The following RIPOR2 variants were observed in gnomAD, a reference collection of about 807,000 sequenced individuals.
The protein encoded by RIPOR2 is RHO family interacting cell polarization regulator 2.
RIPOR2 carries 39 observed loss-of-function variants against 114.5 expected under a neutral mutation model. The observed-to-expected ratio is 0.34, with a 90% confidence interval of 0.26 to 0.44. The LOEUF (loss-of-function observed/expected upper bound fraction) is 0.44, where lower values mean the gene tolerates loss of function less well. RIPOR2 is among the 20% of genes least tolerant of loss of function. RIPOR2 has a pLI of 1.00. For synonymous variants in RIPOR2, 445 were observed against 484.4 expected (o/e 0.92, Z 1.07); for missense variants, 1,007 against 1,255.1 (o/e 0.80, Z 2.99).
chr6:24,881,593 T>A (rs1231633217), intron 1 of RIPOR2, among the ~76,000 whole-genome samples: 1 of 152,248 alleles, frequency 6.6e-6, no homozygotes, highest in Non-Finnish European at 1.5e-5. Context: ...AGTTTCTTCA[T>A]ACAATGAAAA....
chr6:24,922,023 G>C (rs1271943299), intron 1 of RIPOR2, among the ~76,000 whole-genome samples: 2 of 151,790 alleles, frequency 1.3e-5, no homozygotes, highest in Non-Finnish European at 2.9e-5. Context: ...TAGAGATGGA[G>C]TTTCACCATG....
At chr6:24,842,702 A>G (rs1461283807) in intron 13 of RIPOR2, among the ~76,000 whole-genome samples, 160 bp downstream of exon 13, 1 of 152,160 alleles carries the variant, frequency 6.6e-6, no homozygotes, top group Non-Finnish European at 1.5e-5. Flanking sequence ...AAAACTTAAT[A>G]TGCACTACTG....
intron 1 of RIPOR2, among the ~76,000 whole-genome samples, chr6:24,899,878 G>T (rs777842762): frequency 6.6e-5 from 10 of 152,212 alleles, no homozygotes; most frequent in Non-Finnish European, 1.3e-4. Flanking sequence ...TTATCAGCAT[G>T]CATTGCTTAC....
Position 25,037,308 on chromosome 6 carries a change from C to T in RIPOR2, c.76+4543G>A, listed in dbSNP as rs6904367. On this transcript the variant is annotated intron_variant, in intron 1 of 13. Transcript: ENST00000510784. The surrounding 1 kb of genome is among the most constrained non-coding windows in gnomAD (Gnocchi z 4.5). ...TCAGGGTTTCTTTCCTTTAATCGCCCACCCCAACTGTGGCAGACTAAAGGA... is the reference window on the plus strand; with the variant it reads ...TCAGGGTTTCTTTCCTTTAATCGCCTACCCCAACTGTGGCAGACTAAAGGA... 0.037 allele frequency among the ~76,000 whole-genome samples: 5,690 copies of T among 152,202 alleles called. 332 individuals carry two copies. The highest frequency in any genetic ancestry group is 0.13 in the African/African-American group (5,249 of 41,512).
chr6:24,906,818 T>A (rs1235124071), intron 1 of RIPOR2, among the ~76,000 whole-genome samples: 2 of 152,062 alleles, frequency 1.3e-5, no homozygotes, highest in African/African-American at 2.4e-5. Flanking sequence ...TCTTTTTTTT[T>A]CATAGAGATG....
intron 1 of RIPOR2, among the ~76,000 whole-genome samples, chr6:24,985,838 A>G (rs899352278): frequency 1.3e-5 from 2 of 152,200 alleles, no homozygotes; most frequent in Non-Finnish European, 2.9e-5. Context: ...TTTATTTTAT[A>G]TGATTTGGAG....
chr6:24,964,097 C>G (rs675188), intron 1 of RIPOR2, among the ~76,000 whole-genome samples: 94,782 of 150,980 alleles, frequency 0.63, 32,035 homozygotes, highest in Non-Finnish European at 0.77. Context: ...GTATCAAAAC[C>G]AGGAAATTGA....
chr6:24,901,922 C>G (rs1768492312), intron 1 of RIPOR2, among the ~76,000 whole-genome samples: 1 of 152,092 alleles, frequency 6.6e-6, no homozygotes, highest in Non-Finnish European at 1.5e-5. Context: ...TAAATGAGAC[C>G]ATGGTTGTAA....
chr6:24,902,191 ACTTTTTCTTTTTCTTTCTTT>A (rs1768529529), intron 1 of RIPOR2, among the ~76,000 whole-genome samples: 2 of 151,636 alleles, frequency 1.3e-5, no homozygotes, highest in Non-Finnish European at 2.9e-5. Flanking sequence ...CAATCCAATT[ACTTTTTCTTTTTCTTTCTTT>A]CTTTTTCTTT....
chr6:24,927,108 C>CAACTA (rs1468539627), intron 1 of RIPOR2, among the ~76,000 whole-genome samples: 7 of 1,240 alleles, frequency 5.6e-3, no homozygotes, highest in Admixed American at 7.5e-3. Context: ...ACCACCACCA[C>CAACTA]CATGATTATT....
chr6:24,878,575 CA>C (rs1766035236), intron 1 of RIPOR2, among the ~76,000 whole-genome samples: 1 of 152,042 alleles, frequency 6.6e-6, no homozygotes, highest in South Asian at 2.1e-4. Context: ...TTTTTCAAGC[CA>C]ATTTTCCCCC....
intron 1 of RIPOR2, chr6:25,023,557 G>A: frequency 1.3e-6 from 1 of 772,822 alleles, no homozygotes; most frequent in South Asian, 1.3e-5. Context: ...TCAAGCCCAG[G>A]CCTTGTTTGA....
intron 6 of RIPOR2, 68 bp from the exon 7 acceptor site, chr6:24,865,518 A>G: frequency 2.3e-6 from 3 of 1,306,724 alleles, no homozygotes; most frequent in Non-Finnish European, 3.2e-6. Flanking sequence ...GATCATTGTT[A>G]CATGCTTAAT....
At chr6:25,023,689 G>C in intron 1 of RIPOR2, 1 of 764,056 alleles carries the variant, frequency 1.3e-6, no homozygotes, top group South Asian at 1.3e-5. Context: ...GGTTCTCCAC[G>C]ATGTCAGTAC....
At chr6:24,865,243 A>C (rs1415047723) in intron 7 of RIPOR2, 58 bp downstream of exon 7, 12 of 1,461,192 alleles carry the variant, frequency 8.2e-6, no homozygotes, top group Non-Finnish European at 1.0e-5. Context: ...GGCAATTACC[A>C]ACAATTCACA....
intron 1 of RIPOR2, among the ~76,000 whole-genome samples, chr6:24,899,703 G>A (rs1768220417): frequency 2.6e-5 from 4 of 152,146 alleles, no homozygotes; most frequent in Admixed American, 2.6e-4. Flanking sequence ...TTACATGTGG[G>A]CACGGATCAG....
chr6:24,959,509 T>C (rs1773204700), intron 1 of RIPOR2, among the ~76,000 whole-genome samples: 1 of 152,216 alleles, frequency 6.6e-6, no homozygotes. Context: ...GCCTCACTTC[T>C]GGTTAACCAC....
chr6:24,878,688 G>T (rs966075132), intron 1 of RIPOR2, among the ~76,000 whole-genome samples: 2 of 152,092 alleles, frequency 1.3e-5, no homozygotes, highest in Non-Finnish European at 2.9e-5. Context: ...GGGGAGGGTT[G>T]TAAAGTCCCC....
At position 25,037,212 on chromosome 6, in the gene RIPOR2, G is replaced by A. The variant is rs190250677; in HGVS notation, c.76+4639C>T. ...GGGAGGTGGAATAAATTGCCCACAG[G>A]CCAACAGCTAAGAAGTTGTAGAAGC... On this transcript the variant is annotated intron_variant, in intron 1 of 13. Coordinates refer to the RIPOR2 transcript ENST00000510784. The surrounding 1 kb of genome is among the most constrained non-coding windows in gnomAD (Gnocchi z 4.5). Among the ~76,000 whole-genome samples, 78 of 152,274 alleles carry A rather than the reference G, an allele frequency of 5.1e-4. No individual in the cohort carries two copies. Among genetic ancestry groups the A allele is most frequent in the African/African-American group, 1.6e-3 (65 of 41,554 alleles).
Sources: allele counts gnomAD v4.1 joint callset (sites outside exome capture counted in the v4.1 genomes callset), GRCh38; gene constraint gnomAD v4.1.1; non-coding constraint Gnocchi (gnomAD v3.1); transcripts MANE v1.5; gene names NCBI Gene and HGNC (gene_info 2026-07-23, HGNC 2026-07-21).